SRGAP3: variants seen among roughly 807,000 people sequenced by gnomAD.
SRGAP3 encodes SLIT-ROBO Rho GTPase-activating protein 3.
In SRGAP3, 39 loss-of-function variants were observed where a neutral mutation model predicts 121.1. The observed-to-expected ratio is 0.32, with a 90% CI of 0.25 to 0.42. SRGAP3 has a LOEUF of 0.42. Among genes scored for constraint, SRGAP3 ranks in the 10% least tolerant of loss-of-function variants. SRGAP3 has a pLI of 1.00. For synonymous variants in SRGAP3, 601 were observed against 570.0 expected (o/e 1.05, Z -0.77); for missense variants, 1,213 against 1,470.6 (o/e 0.82, Z 2.86).
intron 14 of SRGAP3, among the ~76,000 whole-genome samples, chr3:9,022,412 T>G (rs1393880744): frequency 2.0e-5 from 3 of 152,014 alleles, no homozygotes; most frequent in Admixed American, 6.5e-5. Flanking sequence ...TAGTCACGAG[T>G]TAAACCATGT....
intron 6 of SRGAP3, 166 bp downstream of exon 6, chr3:9,060,065 T>C: frequency 9.0e-7 from 1 of 1,108,020 alleles, no homozygotes; most frequent in Non-Finnish European, 1.3e-6. Flanking sequence ...TAACATTCAT[T>C]TTCCACCTCC....
intron 14 of SRGAP3, among the ~76,000 whole-genome samples, chr3:9,017,209 C>A (rs1039326403): frequency 6.6e-6 from 1 of 152,116 alleles, no homozygotes; most frequent in Non-Finnish European, 1.5e-5. Flanking sequence ...CCTTCCAGAT[C>A]CTTTCAGTGG....
intron 13 of SRGAP3, among the ~76,000 whole-genome samples, chr3:9,026,281 T>A (rs1023457676): frequency 6.6e-6 from 1 of 152,246 alleles, no homozygotes; most frequent in African/African-American, 2.4e-5. Context: ...ATTTGCACTA[T>A]CTCAAATGAT....
intron 7 of SRGAP3, 142 bp downstream of exon 7, chr3:9,058,109 G>A (rs994143304): frequency 1.2e-6 from 1 of 868,662 alleles, no homozygotes; most frequent in Non-Finnish European, 1.9e-6. Flanking sequence ...AAACTCCTCA[G>A]CTGGGGAAGC....
At position 9,041,866 on chromosome 3, in the gene SRGAP3, C is replaced by T. The variant is rs536633137; in HGVS notation, c.1409-3776G>A. 2.0e-5 allele frequency among the ~76,000 whole-genome samples: 3 copies of T among 152,146 alleles called. No individual in the cohort carries two copies. The South Asian group carries it at 6.2e-4, about 32-fold the overall frequency. The stretch of plus-strand genomic sequence containing the variant: ...CCGTAATCCCAGCACTTTCGGAGGC[C>T]GACGTGGGTGAATCACTTGAGGTCA... On this transcript the variant is annotated intron_variant, in intron 10 of 21. Coordinates refer to ENST00000383836, the MANE Select transcript of SRGAP3 (RefSeq NM_014850.4).
At chr3:9,104,921 C>A in intron 2 of SRGAP3, 79 bp from the exon 3 acceptor site, 1 of 1,559,462 alleles carries the variant, frequency 6.4e-7, no homozygotes, top group Non-Finnish European at 8.8e-7. Context: ...CCCACTTCAG[C>A]TCTTTTAACC....
At chr3:9,038,026 C>A in intron 11 of SRGAP3, 37 bp downstream of exon 11, 1 of 1,614,114 alleles carries the variant, frequency 6.2e-7, no homozygotes, top group Non-Finnish European at 8.5e-7. Context: ...CCACCTCGGG[C>A]AGCAGATGAA....
intron 1 of SRGAP3, among the ~76,000 whole-genome samples, chr3:9,136,810 G>A (rs113329594): frequency 4.6e-5 from 7 of 152,282 alleles, no homozygotes; most frequent in African/African-American, 1.7e-4. Flanking sequence ...TGATCCCCAC[G>A]GTTCCTGCGG....
chr3:9,204,025 C>T (rs1364774476), intron 1 of SRGAP3, among the ~76,000 whole-genome samples: 2 of 152,202 alleles, frequency 1.3e-5, no homozygotes, highest in East Asian at 3.9e-4. Flanking sequence ...ATTACCGCTA[C>T]AGTTTGACAC....
At chr3:9,106,942 C>T (rs1422759849) in intron 2 of SRGAP3, among the ~76,000 whole-genome samples, 1 of 144,184 alleles carries the variant, frequency 6.9e-6, no homozygotes, top group Non-Finnish European at 1.5e-5. Flanking sequence ...CTCTCCCTAT[C>T]TCCTGGGGCT....
At chr3:9,024,449 G>C (rs997142788) in intron 14 of SRGAP3, among the ~76,000 whole-genome samples, 3 of 152,218 alleles carry the variant, frequency 2.0e-5, no homozygotes, top group African/African-American at 7.2e-5. Context: ...GTGCAGCAGT[G>C]AGATAAGCAC....
At chr3:9,289,134 A>G (rs893535853) in intron 3 of SRGAP3, among the ~76,000 whole-genome samples, 1 of 152,032 alleles carries the variant, frequency 6.6e-6, no homozygotes, top group African/African-American at 2.4e-5. Flanking sequence ...CCTGACCTCA[A>G]GTGATCCACC....
At chr3:9,148,844 G>C (rs1287978865) in intron 1 of SRGAP3, among the ~76,000 whole-genome samples, 1 of 152,178 alleles carries the variant, frequency 6.6e-6, no homozygotes, top group Non-Finnish European at 1.5e-5. Context: ...CCAAACCTGA[G>C]AGTGGGCTGA....
intron 6 of SRGAP3, 152 bp downstream of exon 6, chr3:9,060,079 A>G (rs376379983): frequency 3.0e-5 from 37 of 1,248,972 alleles, no homozygotes; most frequent in Non-Finnish European, 3.4e-5. Context: ...CACCTCCCCA[A>G]ATCACTGCCC....
intron 21 of SRGAP3, among the ~76,000 whole-genome samples, chr3:8,986,586 C>T (rs1467209988): frequency 1.3e-5 from 2 of 152,138 alleles, no homozygotes; most frequent in East Asian, 3.8e-4. Flanking sequence ...AGCAGCATAG[C>T]CCAAGTCTGA....
intron 3 of SRGAP3, among the ~76,000 whole-genome samples, chr3:9,093,622 C>T (rs1477737952): frequency 6.6e-6 from 1 of 152,164 alleles, no homozygotes; most frequent in Admixed American, 6.5e-5. Context: ...TCCTTTCCTT[C>T]CTTCCCATTC....
intron 1 of SRGAP3, among the ~76,000 whole-genome samples, chr3:9,135,829 T>C (rs1949624854): frequency 6.6e-6 from 1 of 152,226 alleles, no homozygotes; most frequent in Non-Finnish European, 1.5e-5. Context: ...GCTCCAAATC[T>C]GGTTTTCTCC....
chr3:9,094,497 T>C (rs1001387635), intron 3 of SRGAP3, among the ~76,000 whole-genome samples: 4 of 152,146 alleles, frequency 2.6e-5, no homozygotes, highest in African/African-American at 4.8e-5. Flanking sequence ...AGAAGTAAAA[T>C]TGTTGGGTCA....
intron 3 of SRGAP3, among the ~76,000 whole-genome samples, chr3:9,081,450 A>G (rs2664088): frequency 0.32 from 47,927 of 152,142 alleles, 7,889 homozygotes; most frequent in South Asian, 0.38. Flanking sequence ...TCACCTATCA[A>G]ATAAAAAGCT....
Sources: gnomAD v4.1 joint callset for allele counts (sites outside exome capture counted in the v4.1 genomes callset) on GRCh38, gnomAD v4.1.1 for gene constraint, MANE v1.5 for transcripts, NCBI Gene and HGNC (gene_info 2026-07-23, HGNC 2026-07-21) for gene names.